Variants in DAGLA observed in about 807,000 individuals in gnomAD.
DAGLA encodes diacylglycerol lipase alpha.
DAGLA carries 22 observed loss-of-function variants against 102.6 expected under a neutral mutation model. The ratio of observed to expected loss-of-function variants is 0.21; its 90% CI spans 0.15 to 0.31. DAGLA has a LOEUF of 0.31. Among genes scored for constraint, DAGLA ranks in the 10% least tolerant of loss-of-function variants. DAGLA has a pLI of 1.00. For missense variants in DAGLA, 927 were observed against 1,446.6 expected, an observed-to-expected ratio of 0.64 and a Z score of 5.83; for synonymous variants, 578 against 628.9, an observed-to-expected ratio of 0.92 and a Z score of 1.21.
At chr11:61,725,405 T>C (rs2065317002) in intron 5 of DAGLA, among the ~76,000 whole-genome samples, 2 of 152,056 alleles carry the variant, frequency 1.3e-5, no homozygotes. Flanking sequence ...GGTAGAGCCC[T>C]CTCCCTACCT....
intron 1 of DAGLA, 141 bp downstream of exon 1, chr11:61,680,645 G>C (rs2064933693): frequency 6.6e-6 from 1 of 150,996 alleles, no homozygotes; most frequent in Admixed American, 6.6e-5. Flanking sequence ...ACGCGCGCCC[G>C]TGGCAGGTGT....
At chr11:61,705,385 C>T (rs1048624944) in intron 1 of DAGLA, among the ~76,000 whole-genome samples, 1 of 152,218 alleles carries the variant, frequency 6.6e-6, no homozygotes, top group African/African-American at 2.4e-5. Context: ...TGCCAGCCTG[C>T]CTGCTTTGGC....
At position 61,720,867 on chromosome 11, in the gene DAGLA, A is replaced by C; in HGVS notation, c.284A>C (p.Gln95Pro). Residue 95 changes from glutamine (Q) to proline (P), a missense_variant, in exon 3 of 20, where the codon CAG (glutamine) becomes CCG (proline). Around this residue, in one of 4 missense-constraint regions of DAGLA, gnomAD observed 231 missense variants for 439.8 expected, o/e 0.53. Coordinates refer to ENST00000257215, the MANE Select transcript of DAGLA (RefSeq NM_006133.3). Reference protein sequence around the residue: ...ILYTEPRDSMQYVLYVRLAIL... With the variant: ...ILYTEPRDSMPYVLYVRLAIL... ...TACACGGAGCCCCGTGACTCCATGC[A>C]GTACGTGCTCTACGTGCGCCTGGGT... The C allele has an allele frequency of 1.2e-6, 2 of 1,613,342 alleles. No homozygotes were observed. Among genetic ancestry groups the C allele is most frequent in the Non-Finnish European group, 1.7e-6 (2 of 1,180,016 alleles).
intron 1 of DAGLA, among the ~76,000 whole-genome samples, chr11:61,705,399 C>G (rs1477174109): frequency 6.6e-6 from 1 of 152,220 alleles, no homozygotes; most frequent in Non-Finnish European, 1.5e-5. Flanking sequence ...CTTTGGCCTC[C>G]TCTCTGCTGG....
At chr11:61,732,390 G>T (rs2065383375) in intron 9 of DAGLA, among the ~76,000 whole-genome samples, 1 of 152,184 alleles carries the variant, frequency 6.6e-6, no homozygotes. Flanking sequence ...ATCTTTGTCA[G>T]CTGCATGTGC....
At chr11:61,735,516 G>A in intron 10 of DAGLA, 45 bp from the exon 11 acceptor site, 3 of 1,568,856 alleles carry the variant, frequency 1.9e-6, no homozygotes, top group Non-Finnish European at 2.6e-6. Flanking sequence ...CCCTGAGTGT[G>A]GCCCCACCAG....
intron 8 of DAGLA, 140 bp from the exon 9 acceptor site, chr11:61,731,177 C>A (rs568683812): frequency 2.2e-6 from 2 of 926,198 alleles, no homozygotes; most frequent in South Asian, 3.4e-5. Context: ...AAGGCCTGGG[C>A]CCCACACCTC....
Position 61,737,834 on chromosome 11 carries a change from C to T in DAGLA, c.1583+79C>T, listed in dbSNP as rs558840634. ...CAGGCCTCTCCCCACCCCCAGCCCC[C>T]GCATCTCTCTCAGTCCGATTCCTGT... On this transcript the variant is annotated intron_variant, in intron 15 of 19. Coordinates refer to ENST00000257215, the MANE Select transcript of DAGLA (RefSeq NM_006133.3). 1.3e-4 allele frequency: 158 copies of T among 1,237,188 alleles called. 2 individuals carry two copies. The highest frequency in any genetic ancestry group is 1.2e-3 in the South Asian group (95 of 82,230). 76.6% of individuals were successfully genotyped at this position (1,237,188 alleles called of 1,614,324 possible). A position where few individuals can be genotyped will look rare whatever the true frequency, so the allele number is the denominator to read the frequency against.
chr11:61,735,899 C>A, intron 12 of DAGLA, 83 bp downstream of exon 12: 1 of 1,319,914 alleles, frequency 7.6e-7, no homozygotes, highest in Non-Finnish European at 1.0e-6. Flanking sequence ...TTGGGGGTTC[C>A]TCCCTGCTCG....
rs2065340722 is a variant in DAGLA, at chr11:61,727,700, T to C, written c.637-453T>C. Among the ~76,000 whole-genome samples, 3 of 152,138 alleles carry C rather than the reference T, an allele frequency of 2.0e-5. No homozygotes were observed. The South Asian group carries it at 6.2e-4, about 31-fold the overall frequency. ...GGAGGGGCCCTGAGACCTGGCAGGC[T>C]CCACAGAGGCCTTACGAGGGACTTC... On this transcript the variant is annotated intron_variant, in intron 6 of 19. Coordinates refer to ENST00000257215, the MANE Select transcript of DAGLA (RefSeq NM_006133.3).
chr11:61,741,546 A>G (rs1211136682), intron 19 of DAGLA, among the ~76,000 whole-genome samples, 197 bp downstream of exon 19: 1 of 151,360 alleles, frequency 6.6e-6, no homozygotes, highest in African/African-American at 2.4e-5. Flanking sequence ...CCTGAATCCT[A>G]CATGAGCCAG....
chr11:61,725,132 G>T (rs1426275542), intron 5 of DAGLA, among the ~76,000 whole-genome samples: 1 of 152,180 alleles, frequency 6.6e-6, no homozygotes, highest in Non-Finnish European at 1.5e-5. Context: ...AGGCTTTTAA[G>T]GGGCCGCACA....
At chr11:61,737,040 T>C (rs901311994) in intron 13 of DAGLA, 142 bp from the exon 14 acceptor site, 2 of 1,163,620 alleles carry the variant, frequency 1.7e-6, no homozygotes, top group African/African-American at 3.0e-5. Context: ...ATCTTGGTTC[T>C]CTGTGCCCTA....
chr11:61,737,152 CA>C, intron 13 of DAGLA, 29 bp from the exon 14 acceptor site: 1 of 1,612,688 alleles, frequency 6.2e-7, no homozygotes. Context: ...GGCATTGGGG[CA>C]GGGCTCTCAG....
At position 61,737,202 on chromosome 11, in the gene DAGLA, C is replaced by T. The variant is rs764020471; in HGVS notation, c.1392C>T (p.Tyr464=). The change falls in exon 14 of 20, where the codon TAC becomes TAT. Residue 464 remains tyrosine, a synonymous_variant. Transcript: ENST00000257215. ...GRDLGRGTKH[Y]GLIVVGHSLG... ...TCCAGGGCCGCGGAACCAAACACTA[C>T]GGCCTGATTGTGGTGGGCCACTCCC... is the stretch of plus-strand genomic sequence containing the variant. The T allele has an allele frequency of 1.4e-5, 22 of 1,613,396 alleles. No homozygotes were observed. The highest frequency in any genetic ancestry group is 9.9e-5 in the South Asian group (9 of 91,092).
rs556232574 is a variant in DAGLA at position 61,731,242 on chromosome 11, C to T, written c.850-75C>T. The T allele has an allele frequency of 1.4e-5, 22 of 1,582,282 alleles. No homozygotes were observed. In the East Asian group the frequency reaches 4.7e-4, roughly 34 times the overall value. On this transcript the variant is annotated intron_variant, in intron 8 of 19. Coordinates refer to ENST00000257215, the MANE Select transcript of DAGLA (RefSeq NM_006133.3). ...GGGGTTGGGTCCGCAGGCTCCCACC[C>T]TGGGGAACTGCTGGGCCCTGAGGCT...
In DAGLA at chr11:61,684,490, T is replaced by C. The variant is rs936550422; in HGVS notation, c.-45+3986T>C. 2.0e-5 allele frequency among the ~76,000 whole-genome samples: 3 copies of C among 152,002 alleles called. No individual in the cohort carries two copies. The highest frequency in any genetic ancestry group is 7.3e-5 in the African/African-American group (3 of 41,354). ...AGTGTGGGTGTGGACGTGGGTTGTG[T>C]GTGTGGGCAGGAAAGACCCAGGAAA... On this transcript the variant is annotated intron_variant, in intron 1 of 19. Coordinates refer to ENST00000257215, the MANE Select transcript of DAGLA (RefSeq NM_006133.3). The surrounding 1 kb of genome is among the most constrained non-coding windows in gnomAD (Gnocchi z 4.5).
chr11:61,730,857 G>A (rs1283407162), intron 8 of DAGLA, among the ~76,000 whole-genome samples: 4 of 152,224 alleles, frequency 2.6e-5, no homozygotes, highest in African/African-American at 7.2e-5. Flanking sequence ...CTGGCCTAGC[G>A]TGGCTGCCCT....
Position 61,734,843 on chromosome 11 carries a change from C to A in DAGLA, c.975-6C>A. ...GGCCCTGAACTCTCTTGTCACCCCA[C>A]CCTAGGTGTTGCCTGTGTCCTGCGA... On this transcript the variant is annotated splice_polypyrimidine_tract_variant and splice_region_variant and intron_variant, in intron 9 of 19. Transcript: ENST00000257215. This position sits in a 1 kb window ranked among gnomAD's most constrained non-coding sequence, Gnocchi z 4.2. 9.9e-6 allele frequency: 16 copies of A among 1,611,832 alleles called. No homozygotes were observed. The highest frequency in any genetic ancestry group is 1.4e-5 in the Non-Finnish European group (16 of 1,178,340).
Sources: gnomAD v4.1 joint callset for allele counts (sites outside exome capture counted in the v4.1 genomes callset) on GRCh38, gnomAD v4.1.1 for gene constraint, gnomAD v4.1.1 regional missense constraint, Gnocchi (gnomAD v3.1) non-coding constraint, MANE v1.5 for transcripts, NCBI Gene and HGNC (gene_info 2026-07-23, HGNC 2026-07-21) for gene names.